Variants in ARMC9 observed in about 807,000 individuals in gnomAD.
ARMC9 encodes the protein armadillo repeat containing 9.
In ARMC9, 94 loss-of-function variants were observed where a neutral mutation model predicts 107.0. That is an observed-to-expected ratio of 0.88 (90% CI 0.74 to 1.04). The LOEUF is 1.04. Among genes scored for constraint, ARMC9 ranks in the 50% least tolerant of loss-of-function variants. ARMC9 has a pLI of 0.00. For synonymous variants in ARMC9, 380 were observed against 396.9 expected, an observed-to-expected ratio of 0.96 and a Z score of 0.51; for missense variants, 942 against 1,030.1, an observed-to-expected ratio of 0.91 and a Z score of 1.17.
intron 16 of ARMC9, 119 bp from the exon 17 acceptor site, chr2:231,281,940 C>T (rs189592709): frequency 4.7e-4 from 421 of 893,166 alleles, no homozygotes; most frequent in Non-Finnish European, 6.6e-4. Context: ...AGGAGAGCTG[C>T]GAGGACGGGA....
intron 16 of ARMC9, 93 bp from the exon 17 acceptor site, chr2:231,281,966 A>G: frequency 1.6e-6 from 2 of 1,241,466 alleles, no homozygotes; most frequent in Non-Finnish European, 1.2e-6. Flanking sequence ...CACTCTCCCC[A>G]TTTGCCAGAT....
At position 231,328,799 on chromosome 2, in the gene ARMC9, A is replaced by G. The variant is rs190361515; in HGVS notation, c.1774-2994A>G. On this transcript the variant is annotated intron_variant, in intron 19 of 24. Transcript: ENST00000611582. ...TTTCAAAGTTGTCTTAGCGTGTTCA[A>G]TTTTCTTTTCTTTTCTTTTCTTTTT... 4.0e-4 allele frequency among the ~76,000 whole-genome samples: 49 copies of G among 121,972 alleles called. 1 individual carries two copies. The highest frequency in any genetic ancestry group is 1.3e-3 in the African/African-American group (45 of 33,946). The allele number at this position is 121,972 out of a possible 152,430, so 80.0% of individuals were successfully genotyped here. A position where few individuals can be genotyped will look rare whatever the true frequency, so the allele number is the denominator to read the frequency against.
chr2:231,222,535 G>T (rs983733257), intron 5 of ARMC9, among the ~76,000 whole-genome samples, 193 bp from the exon 6 acceptor site: 2 of 152,058 alleles, frequency 1.3e-5, no homozygotes, highest in Non-Finnish European at 2.9e-5. Flanking sequence ...TCTTCCTACT[G>T]TGGGCACTTG....
At chr2:231,202,203 C>G (rs2031139746) in intron 1 of ARMC9, among the ~76,000 whole-genome samples, 1 of 151,736 alleles carries the variant, frequency 6.6e-6, no homozygotes, top group Admixed American at 6.6e-5. Context: ...TTTTACCATG[C>G]TGGTCAGGCT....
At chr2:231,246,027 C>T (rs1476611910) in intron 9 of ARMC9, among the ~76,000 whole-genome samples, 1 of 152,146 alleles carries the variant, frequency 6.6e-6, no homozygotes, top group African/African-American at 2.4e-5. Context: ...GCTCCTGCCC[C>T]CTGGATGAGT....
chr2:231,201,503 C>T (rs189143971), intron 1 of ARMC9, among the ~76,000 whole-genome samples: 112 of 152,358 alleles, frequency 7.4e-4, no homozygotes, highest in African/African-American at 2.6e-3. Flanking sequence ...CATCTGCCCA[C>T]TCCCGTGGTC....
chr2:231,318,556 A>G (rs2042831182), intron 19 of ARMC9, among the ~76,000 whole-genome samples: 1 of 152,036 alleles, frequency 6.6e-6, no homozygotes, highest in Non-Finnish European at 1.5e-5. Flanking sequence ...TGTGCCTGCC[A>G]CTTGCCCTCT....
intron 9 of ARMC9, among the ~76,000 whole-genome samples, chr2:231,243,533 A>G (rs7562116): frequency 0.27 from 40,565 of 152,026 alleles, 5,608 homozygotes; most frequent in African/African-American, 0.31. Flanking sequence ...CAGTCCTACC[A>G]CCCCGACTGT....
intron 6 of ARMC9, among the ~76,000 whole-genome samples, chr2:231,224,303 C>T (rs1312004033): frequency 6.6e-6 from 1 of 152,120 alleles, no homozygotes; most frequent in Non-Finnish European, 1.5e-5. Flanking sequence ...AAAAAGTTAG[C>T]TGAGCATGGT....
At chr2:231,245,081 C>T (rs1574769464) in intron 9 of ARMC9, among the ~76,000 whole-genome samples, 1 of 152,218 alleles carries the variant, frequency 6.6e-6, no homozygotes, top group Admixed American at 6.5e-5. Flanking sequence ...TCTAGGCACT[C>T]CCAGAGGGTT....
chr2:231,328,010 C>A (rs1729079), intron 19 of ARMC9, among the ~76,000 whole-genome samples: 168 of 152,058 alleles, frequency 1.1e-3, no homozygotes, highest in African/African-American at 3.9e-3. Flanking sequence ...GTCTCAAACT[C>A]CTGATTCAAG....
At chr2:231,222,384 T>C (rs539823539) in intron 5 of ARMC9, among the ~76,000 whole-genome samples, 1 of 152,346 alleles carries the variant, frequency 6.6e-6, no homozygotes, top group South Asian at 2.1e-4. Flanking sequence ...CTCCCAGTGC[T>C]GTGCGTGCCT....
chr2:231,331,749 G>A lies in ARMC9; in HGVS notation c.1774-44G>A. The A allele has an allele frequency of 1.9e-6, 3 of 1,561,472 alleles. 1 individual carries two copies. The highest frequency in any genetic ancestry group is 2.6e-6 in the Non-Finnish European group (3 of 1,134,228). ...CTGGGGAGCCACGCCTTGGGAGCTT[G>A]TGTCAGGGTGTCCATGGCATTCACC... On this transcript the variant is annotated intron_variant, in intron 19 of 24. Coordinates refer to ENST00000611582, the MANE Select transcript of ARMC9 (RefSeq NM_001352754.2).
At chr2:231,268,123 T>C (rs2039012303) in intron 12 of ARMC9, among the ~76,000 whole-genome samples, 1 of 152,214 alleles carries the variant, frequency 6.6e-6, no homozygotes, top group East Asian at 1.9e-4. Flanking sequence ...TATGGTTTCA[T>C]TTATTAAAAA....
intron 6 of ARMC9, among the ~76,000 whole-genome samples, chr2:231,225,769 G>A (rs987323119): frequency 6.6e-6 from 1 of 152,186 alleles, no homozygotes; most frequent in Non-Finnish European, 1.5e-5. Context: ...TCTTTTGGAG[G>A]ATGATGAAAA....
intron 4 of ARMC9, 193 bp downstream of exon 4, chr2:231,215,194 A>G: frequency 1.7e-6 from 1 of 577,380 alleles, no homozygotes; most frequent in Non-Finnish European, 2.8e-6. Context: ...TTCTATGGAG[A>G]TTTAATAATT....
chr2:231,209,013 T>C lies in ARMC9; in HGVS notation c.177+761T>C, dbSNP rs146915254. ...GCCTCCAGGATTCAAGCGATTCTCC[T>C]GCCTCACCCTCCCTAGTAGCTAGGA... is the stretch of plus-strand genomic sequence containing the variant. On this transcript the variant is annotated intron_variant, in intron 3 of 24. Transcript: ENST00000611582. Among the ~76,000 whole-genome samples the C allele has an allele frequency of 3.3e-3, 506 of 152,224 alleles. 4 individuals are homozygous for C. The highest frequency in any genetic ancestry group is 0.012 in the African/African-American group (487 of 41,530).
intron 14 of ARMC9, among the ~76,000 whole-genome samples, chr2:231,276,130 C>G (rs1251625024): frequency 2.0e-5 from 3 of 152,140 alleles, no homozygotes; most frequent in Non-Finnish European, 4.4e-5. Context: ...ACCACCTTAT[C>G]TTTATTTAAA....
At chr2:231,341,833 T>A (rs1180300542) in intron 20 of ARMC9, among the ~76,000 whole-genome samples, 1 of 152,230 alleles carries the variant, frequency 6.6e-6, no homozygotes, top group Non-Finnish European at 1.5e-5. Flanking sequence ...AGCTAAATAA[T>A]ATGCTCTTTT....
Sources: gnomAD v4.1 joint callset for allele counts (sites outside exome capture counted in the v4.1 genomes callset) on GRCh38, gnomAD v4.1.1 for gene constraint, MANE v1.5 for transcripts, NCBI Gene and HGNC (gene_info 2026-07-23, HGNC 2026-07-21) for gene names.